GSAP: variants seen among roughly 807,000 people sequenced by gnomAD.
The protein encoded by GSAP is gamma-secretase-activating protein.
A neutral mutation model predicts 131.7 loss-of-function variants in GSAP; 118 were observed. That is an observed-to-expected ratio of 0.90 (90% confidence interval 0.77 to 1.04). GSAP has a LOEUF of 1.04. Among genes scored for constraint, GSAP ranks in the 50% least tolerant of loss-of-function variants. The pLI, the probability that GSAP is intolerant of heterozygous loss-of-function variation, is 0.00. For missense variants in GSAP, 1,019 were observed against 1,013.2 expected (o/e 1.01, Z -0.08); for synonymous variants, 381 against 363.4 (o/e 1.05, Z -0.55).
At chr7:77,388,832 A>G (rs1401065885) in intron 5 of GSAP, among the ~76,000 whole-genome samples, 1 of 152,264 alleles carries the variant, frequency 6.6e-6, no homozygotes, top group East Asian at 1.9e-4. Flanking sequence ...GGATCTATCT[A>G]TAAACATGCC....
intron 6 of GSAP, among the ~76,000 whole-genome samples, chr7:77,386,759 G>A (rs1333845225): frequency 1.3e-5 from 2 of 152,194 alleles, no homozygotes; most frequent in Non-Finnish European, 1.5e-5. Context: ...TAGTATGAGA[G>A]CTAAAGCAAA....
chr7:77,355,783 G>T, intron 14 of GSAP, 136 bp from the exon 15 acceptor site: 1 of 320,124 alleles, frequency 3.1e-6, no homozygotes, highest in Non-Finnish European at 5.2e-6. Flanking sequence ...TCTAATGACA[G>T]CCCGTTTTTT....
intron 11 of GSAP, among the ~76,000 whole-genome samples, chr7:77,374,611 A>G (rs1796581037): frequency 2.6e-5 from 4 of 152,096 alleles, no homozygotes; most frequent in Admixed American, 6.6e-5. Flanking sequence ...TGGGAAAAGG[A>G]AAAAAACCTT....
At chr7:77,349,427 C>G (rs751898331) in intron 18 of GSAP, 23 bp from the exon 19 acceptor site, 1 of 1,603,514 alleles carries the variant, frequency 6.2e-7, no homozygotes, top group Non-Finnish European at 8.5e-7. Context: ...AAAACACACA[C>G]ACACAGCTGC....
chr7:77,311,582 TA>T (rs1794361918), intron 30 of GSAP, 133 bp from the exon 31 acceptor site: 1 of 606,756 alleles, frequency 1.6e-6, no homozygotes. Context: ...AATGTGTTCT[TA>T]AATTTAAACT....
At position 77,404,628 on chromosome 7, in the gene GSAP, A is replaced by AAC; in HGVS notation, c.187-15_187-14dup. On this transcript the variant is annotated splice_polypyrimidine_tract_variant and intron_variant, in intron 2 of 30. Coordinates refer to ENST00000257626, the MANE Select transcript of GSAP (RefSeq NM_017439.4). Reference sequence around the variant, plus strand: ...TTCCCTTATCATCCTAAAAAAAATTAACCAGATGTTTATTAAATGTCATTG... The same window carrying AAC: ...TTCCCTTATCATCCTAAAAAAAATTAACACCAGATGTTTATTAAATGTCATTG... 7.0e-7 allele frequency: 1 copy of AAC among 1,426,828 alleles called. No homozygotes were observed. Among genetic ancestry groups the AAC allele is most frequent in the Non-Finnish European group, 9.8e-7 (1 of 1,015,242 alleles). The allele number at this position is 1,426,828 out of a possible 1,614,324, so 88.4% of individuals were successfully genotyped here.
intron 14 of GSAP, among the ~76,000 whole-genome samples, chr7:77,356,821 G>A (rs1158907796): frequency 6.6e-6 from 1 of 152,232 alleles, no homozygotes; most frequent in Non-Finnish European, 1.5e-5. Context: ...CCTAAGAAGT[G>A]AAGGAACACA....
At chr7:77,356,968 T>G (rs1448614926) in intron 14 of GSAP, among the ~76,000 whole-genome samples, 3 of 152,182 alleles carry the variant, frequency 2.0e-5, no homozygotes, top group Non-Finnish European at 4.4e-5. Context: ...GTTGCAATCA[T>G]CTTATTATAG....
chr7:77,355,114 G>C (rs1341151056), intron 16 of GSAP, 99 bp downstream of exon 16: 1 of 760,446 alleles, frequency 1.3e-6, no homozygotes, highest in Non-Finnish European at 2.2e-6. Context: ...TCAATTAATT[G>C]TTACTAAATA....
chr7:77,352,882 AC>A (rs1287056362), intron 18 of GSAP, 61 bp downstream of exon 18: 3 of 960,900 alleles, frequency 3.1e-6, no homozygotes, highest in Non-Finnish European at 5.0e-6. Context: ...GAGGTGTCCA[AC>A]AACTGACCCA....
At chr7:77,351,249 C>T in intron 18 of GSAP, 1 of 972,372 alleles carries the variant, frequency 1.0e-6, no homozygotes. Flanking sequence ...AATTTCATTA[C>T]AGTTTTGGTT....
At chr7:77,408,257 AC>A (rs1195948210) in intron 1 of GSAP, among the ~76,000 whole-genome samples, 1 of 152,190 alleles carries the variant, frequency 6.6e-6, no homozygotes, top group East Asian at 1.9e-4. Flanking sequence ...AAAACATTTA[AC>A]CTATAAGTTA....
Position 77,406,028 on chromosome 7 carries a change from C to A in GSAP, c.186+1G>T, listed in dbSNP as rs1371659772. On this transcript the variant is annotated splice_donor_variant, in intron 2 of 30. Transcript: ENST00000257626. LOFTEE classifies it high-confidence loss of function. ...CACAATAAAAAAGAATATAGACATA[C>A]CTTATAGGTATAAATAATATTTCCA... is the stretch of plus-strand genomic sequence containing the variant. The A allele has an allele frequency of 1.1e-6, 1 of 940,324 alleles. No homozygotes were observed. The highest frequency in any genetic ancestry group is 1.5e-6 in the Non-Finnish European group (1 of 673,828). 58.2% of individuals were successfully genotyped at this position (940,324 alleles called of 1,614,324 possible).
chr7:77,355,289 C>T lies in GSAP; in HGVS notation c.1262G>A (p.Cys421Tyr), dbSNP rs1300013239. 3 of 1,614,056 alleles carry T rather than the reference C, an allele frequency of 1.9e-6. No homozygotes were observed. Among genetic ancestry groups the T allele is most frequent in the East Asian group, 2.2e-5 (1 of 44,884 alleles). The change falls in exon 16 of 31, where the codon TGC becomes TAC. Residue 421 changes from cysteine (C) to tyrosine (Y), a missense_variant. Physicochemically the swap from Cys to Tyr is radical, Grantham distance 194. Coordinates refer to ENST00000257626, the MANE Select transcript of GSAP (RefSeq NM_017439.4). ...CGCAGCCATCTTCTCACAGTCTAAG[C>T]AAGTGTTCTGCAGAAGCTGTAATAA... The part of the protein sequence containing the change: ...SSLLQLLQNT[C>Y]LDCEKMAALH...
At chr7:77,383,635 T>C (rs760980803) in intron 6 of GSAP, among the ~76,000 whole-genome samples, 7 of 152,176 alleles carry the variant, frequency 4.6e-5, no homozygotes, top group South Asian at 2.1e-4. Context: ...CAGGACAAAG[T>C]AGGCTGCCAG....
intron 19 of GSAP, among the ~76,000 whole-genome samples, chr7:77,338,118 T>C (rs1313781445): frequency 6.6e-6 from 1 of 152,204 alleles, no homozygotes; most frequent in Non-Finnish European, 1.5e-5. Flanking sequence ...TGAGCCACTA[T>C]GGTACCACTG....
At chr7:77,377,258 A>AAAAAAAAAAAAAAAAAAAG in intron 9 of GSAP, 28 bp downstream of exon 9, 7 of 1,400,728 alleles carry the variant, frequency 5.0e-6, no homozygotes, top group Non-Finnish European at 6.6e-6. Flanking sequence ...AAAAAAAAAA[A>AAAAAAAAAAAAAAAAAAAG]GGAGTGCCCG....
chr7:77,397,373 A>G lies in GSAP; in HGVS notation c.286T>C (p.Ser96Pro). The G allele has an allele frequency of 1.2e-6, 2 of 1,607,244 alleles. No individual in the cohort carries two copies. Among genetic ancestry groups the G allele is most frequent in the Non-Finnish European group, 1.7e-6 (2 of 1,174,944 alleles). The change falls in exon 4 of 31, where the codon TCT (serine) becomes CCT (proline). Residue 96 changes from serine (S) to proline (P), a missense_variant. Coordinates refer to ENST00000257626, the MANE Select transcript of GSAP (RefSeq NM_017439.4). ...AGCAAAGTCCTTTCACTGTTGACAG[A>G]GCAACTGAAAACTTGCAAGTCTTTC... ...FEKDLQVFSCSVNSERTLLAA... is the reference protein window; with the variant it reads ...FEKDLQVFSCPVNSERTLLAA...
intron 19 of GSAP, among the ~76,000 whole-genome samples, chr7:77,334,903 T>C (rs567911414): frequency 1.3e-5 from 2 of 149,950 alleles, no homozygotes; most frequent in Admixed American, 1.3e-4. Context: ...GCTAACACAG[T>C]GAAACCCCGT....
Sources: gnomAD v4.1 joint callset for allele counts (sites outside exome capture counted in the v4.1 genomes callset) on GRCh38, gnomAD v4.1.1 for gene constraint, MANE v1.5 for transcripts, NCBI Gene and HGNC (gene_info 2026-07-23, HGNC 2026-07-21) for gene names.